Variants in MYCBP2 observed in about 807,000 individuals in gnomAD.
MYCBP2 encodes the protein E3 ubiquitin-protein ligase MYCBP2.
A neutral mutation model predicts 525.3 loss-of-function variants in MYCBP2; 120 were observed. The ratio of observed to expected loss-of-function variants is 0.23; its 90% CI spans 0.20 to 0.27. The LOEUF is 0.27. MYCBP2 is among the 10% of genes least tolerant of loss of function. The pLI is 1.00. For synonymous variants in MYCBP2, 1,894 were observed against 1,955.8 expected (o/e 0.97, Z 0.83); for missense variants, 4,149 against 5,657.1 (o/e 0.73, Z 8.55).
intron 20 of MYCBP2, among the ~76,000 whole-genome samples, chr13:77,220,126 C>T (rs776917672): frequency 2.0e-5 from 3 of 152,040 alleles, no homozygotes; most frequent in Admixed American, 6.6e-5. Context: ...TTCATGTTTG[C>T]GGTTTTATCA....
chr13:77,058,639 A>C lies in MYCBP2; in HGVS notation c.13141-233T>G, dbSNP rs921124792. On this transcript the variant is annotated intron_variant, in intron 77 of 82. Transcript: ENST00000544440. The surrounding 1 kb of genome is among the most constrained non-coding windows in gnomAD (Gnocchi z 4.1). ...AAAAAATGCCACTCTCTATAAAGGG[A>C]ATGCTGATAAGTGAATTATAATTTC... is the stretch of plus-strand genomic sequence containing the variant. 2.2e-4 allele frequency among the ~76,000 whole-genome samples: 34 copies of C among 152,006 alleles called. No homozygotes were observed. Among genetic ancestry groups the C allele is most frequent in the South Asian group, 2.1e-4 (1 of 4,832 alleles).
At chr13:77,146,087 G>T in intron 48 of MYCBP2, 75 bp downstream of exon 48, 2 of 924,824 alleles carry the variant, frequency 2.2e-6, no homozygotes, top group South Asian at 3.8e-5. Flanking sequence ...AAATAAAGTT[G>T]AAATGCAGGA....
chr13:77,315,103 CAG>C (rs1567236586), intron 1 of MYCBP2, among the ~76,000 whole-genome samples: 3 of 152,102 alleles, frequency 2.0e-5, no homozygotes, highest in South Asian at 4.1e-4. Flanking sequence ...TGAATAATAA[CAG>C]AAAATCTGAA....
chr13:77,168,555 T>C lies in MYCBP2; in HGVS notation c.5987A>G (p.Asn1996Ser), dbSNP rs1311364533. 13 of 1,614,084 alleles carry C rather than the reference T, an allele frequency of 8.1e-6. 1 individual carries two copies. The South Asian group carries it at 1.2e-4, about 15-fold the overall frequency. Residue 1996 changes from asparagine to serine, a missense_variant, in exon 40 of 83, where the codon AAT (asparagine) becomes AGT (serine). Asn to Ser is a conservative substitution (Grantham distance 46, BLOSUM62 1). Around this residue, in one of 21 missense-constraint regions of MYCBP2, gnomAD observed 692 missense variants for 852.7 expected, o/e 0.81. Transcript: ENST00000544440. ...TCCTGTGGTGCTATCTGTCGACTGA[T>C]TAGGGTTGAAGGCAGGCGGTGCATA... ...QKYAPPAFNP[N>S]QSTDSTTGNQ...
At chr13:77,260,665 CT>C in intron 12 of MYCBP2, 73 bp from the exon 13 acceptor site, 2 of 1,285,862 alleles carry the variant, frequency 1.6e-6, no homozygotes, top group East Asian at 2.7e-5. Flanking sequence ...GTATATAAAG[CT>C]AAAAAAAAAA....
At chr13:77,194,982 G>A (rs1458188467) in intron 26 of MYCBP2, among the ~76,000 whole-genome samples, 2 of 150,420 alleles carry the variant, frequency 1.3e-5, no homozygotes, top group African/African-American at 4.9e-5. Flanking sequence ...GAAATTAAGT[G>A]AAAATAAGAA....
At chr13:77,261,973 T>C in intron 11 of MYCBP2, 80 bp downstream of exon 11, 1 of 1,100,806 alleles carries the variant, frequency 9.1e-7, no homozygotes, top group Non-Finnish European at 1.3e-6. Context: ...ACATGCAAAC[T>C]ATATAAACTA....
At position 77,158,049 on chromosome 13, in the gene MYCBP2, T is replaced by C; in HGVS notation, c.6658A>G (p.Ile2220Val). ...AAATTTCCCTCAAGTGCTTCTAATA[T>C]AGTTGGTGAATGAGAAAGAGCTAGA... ...KGLALSHSPT[I>V]LEALEGNLPL... Residue 2220 changes from isoleucine to valine, a missense_variant, in exon 45 of 83, where the codon ATA becomes GTA. Around this residue, in one of 21 missense-constraint regions of MYCBP2, gnomAD observed 692 missense variants for 852.7 expected, o/e 0.81. Transcript: ENST00000544440. 1 of 1,613,366 alleles carries C rather than the reference T, an allele frequency of 6.2e-7. No individual in the cohort carries two copies. The highest frequency in any genetic ancestry group is 1.7e-5 in the Admixed American group (1 of 59,962).
chr13:77,132,984 C>T (rs1031367724), intron 52 of MYCBP2, among the ~76,000 whole-genome samples: 1 of 152,152 alleles, frequency 6.6e-6, no homozygotes, highest in Admixed American at 6.6e-5. Flanking sequence ...ATCTTCAATA[C>T]ATATGGTATT....
chr13:77,188,926 T>C, intron 30 of MYCBP2, 25 bp downstream of exon 30: 3 of 1,554,778 alleles, frequency 1.9e-6, no homozygotes, highest in South Asian at 1.2e-5. Flanking sequence ...AGAGAAAAGC[T>C]GAAATTTTTT....
intron 18 of MYCBP2, among the ~76,000 whole-genome samples, chr13:77,226,823 G>A (rs149435923): frequency 1.3e-5 from 2 of 152,134 alleles, no homozygotes; most frequent in East Asian, 3.9e-4. Flanking sequence ...TCACTAATTC[G>A]GAATAACATA....
At chr13:77,062,858 C>A (rs989302248) in intron 73 of MYCBP2, among the ~76,000 whole-genome samples, 161 bp from the exon 74 acceptor site, 12 of 152,200 alleles carry the variant, frequency 7.9e-5, no homozygotes, top group Admixed American at 7.9e-4. Flanking sequence ...CAGGCATACA[C>A]GATCACTGTC....
Position 77,194,244 on chromosome 13 carries a change from G to A in MYCBP2, c.3844C>T (p.Leu1282=), listed in dbSNP as rs1471601959. The A allele has an allele frequency of 2.5e-6, 4 of 1,606,318 alleles. No homozygotes were observed. The East Asian group carries it at 6.7e-5, about 27-fold the overall frequency. The change falls in exon 27 of 83, where the codon CTG becomes TTG. Residue 1282 remains leucine, a splice_region_variant and synonymous_variant. Coordinates refer to ENST00000544440, the MANE Select transcript of MYCBP2 (RefSeq NM_015057.5). The part of the protein sequence containing the change: ...GRGEYTAKIK[L]FELGPDGGDH... ...CCTCCATCAGGACCCAATTCAAACA[G>A]CTAAGGAAAGGAGAAAGACAATCAT... is the stretch of plus-strand genomic sequence containing the variant.
intron 19 of MYCBP2, among the ~76,000 whole-genome samples, chr13:77,225,079 G>A (rs190439112): frequency 1.1e-3 from 165 of 152,214 alleles, no homozygotes; most frequent in African/African-American, 3.6e-3. Context: ...TAAATTTGTT[G>A]ACATACATTT....
At chr13:77,141,042 T>C (rs2054532044) in intron 49 of MYCBP2, 99 bp from the exon 50 acceptor site, 1 of 788,530 alleles carries the variant, frequency 1.3e-6, no homozygotes. Flanking sequence ...TTTTAAAAAT[T>C]AACACAAATA....
Position 77,180,244 on chromosome 13 carries a change from T to C in MYCBP2, c.5016A>G (p.Pro1672=), listed in dbSNP as rs751951712. ...TTTCTCTCCTCAGGCTGTTCCTGAC[T>C]GGTAGCACAACAATGACCAGCATTT... is the stretch of plus-strand genomic sequence containing the variant. ...LEKMLVIVVL[P]VRNSLRRENE... The change falls in exon 34 of 83, where the codon CCA becomes CCG. Residue 1672 remains proline (P), a synonymous_variant. Transcript: ENST00000544440. 70 of 1,614,088 alleles carry C rather than the reference T, an allele frequency of 4.3e-5. No homozygotes were observed. The highest frequency in any genetic ancestry group is 5.9e-5 in the Non-Finnish European group (70 of 1,180,040).
intron 36 of MYCBP2, 107 bp from the exon 37 acceptor site, chr13:77,174,596 T>C: frequency 1.3e-6 from 1 of 779,030 alleles, no homozygotes; most frequent in South Asian, 2.1e-5. Context: ...TTTGTCATAT[T>C]TACAGATGAT....
In MYCBP2 at chr13:77,295,596, C is replaced by T. The variant is rs181700596; in HGVS notation, c.378+1003G>A. On this transcript the variant is annotated intron_variant, in intron 2 of 82. Transcript: ENST00000544440. ...ACTTAAAAGTGTAGGAAACAATTGC[C>T]TCTATAGTTGCTATACAGGCCCAGC... Among the ~76,000 whole-genome samples the T allele has an allele frequency of 2.9e-3, 435 of 152,290 alleles. 2 individuals carry two copies. Among genetic ancestry groups the T allele is most frequent in the Middle Eastern group, 6.8e-3 (2 of 294 alleles).
At chr13:77,063,812 T>C (rs1396159433) in intron 73 of MYCBP2, among the ~76,000 whole-genome samples, 1 of 152,096 alleles carries the variant, frequency 6.6e-6, no homozygotes. Context: ...GAATGCAGAC[T>C]GAAAGAAAGC....
Sources: gnomAD v4.1 joint callset for allele counts (sites outside exome capture counted in the v4.1 genomes callset) on GRCh38, gnomAD v4.1.1 for gene constraint, gnomAD v4.1.1 regional missense constraint, Gnocchi (gnomAD v3.1) non-coding constraint, MANE v1.5 for transcripts, NCBI Gene and HGNC (gene_info 2026-07-23, HGNC 2026-07-21) for gene names.